The following CLEC16A variants were observed in gnomAD, a reference collection of about 807,000 sequenced individuals.
The protein encoded by CLEC16A is protein CLEC16A.
A neutral mutation model predicts 109.5 loss-of-function variants in CLEC16A; 51 were observed. The observed-to-expected ratio is 0.47, with a 90% confidence interval of 0.37 to 0.59. The LOEUF is 0.59. CLEC16A is among the 20% of genes least tolerant of loss of function. The pLI is 0.00. For missense variants in CLEC16A, 1,339 were observed against 1,394.0 expected (o/e 0.96, Z 0.63); for synonymous variants, 673 against 564.2 (o/e 1.19, Z -2.73).
intron 19 of CLEC16A, among the ~76,000 whole-genome samples, chr16:11,069,954 G>C (rs531325664): frequency 2.0e-5 from 3 of 152,304 alleles, no homozygotes; most frequent in Admixed American, 6.5e-5. Flanking sequence ...AGCATCTGTG[G>C]ATTCTGGTGT....
intron 19 of CLEC16A, among the ~76,000 whole-genome samples, chr16:11,117,663 C>G (rs1261285584): frequency 1.3e-5 from 2 of 152,026 alleles, no homozygotes; most frequent in Admixed American, 6.6e-5. Context: ...ACTTCTCCCA[C>G]ACACACACAC....
intron 19 of CLEC16A, among the ~76,000 whole-genome samples, chr16:11,101,976 CTTT>C (rs35871397): frequency 3.1e-5 from 4 of 129,534 alleles, no homozygotes; most frequent in Non-Finnish European, 1.7e-5. Context: ...ATAATTTTTG[CTTT>C]TTTTTTTTTT....
chr16:11,095,751 G>A (rs776489163), intron 19 of CLEC16A, among the ~76,000 whole-genome samples: 2 of 149,432 alleles, frequency 1.3e-5, no homozygotes, highest in African/African-American at 5.0e-5. Flanking sequence ...GGCAGAGGTT[G>A]CTATGAGCCG....
At chr16:11,051,670 T>TGGGCC (rs779669890) in intron 18 of CLEC16A, 29 bp downstream of exon 18, 88 of 1,608,982 alleles carry the variant, frequency 5.5e-5, no homozygotes, top group Non-Finnish European at 7.3e-5. Context: ...TGTCATCTCC[T>TGGGCC]GGGCCACTGT....
intron 13 of CLEC16A, chr16:11,027,517 T>G: frequency 6.3e-7 from 1 of 1,577,762 alleles, no homozygotes; most frequent in African/African-American, 1.3e-5. Context: ...AGTAAGACCA[T>G]CCCTCTGACA....
chr16:11,123,493 C>T (rs918088873), intron 20 of CLEC16A, among the ~76,000 whole-genome samples: 4 of 152,176 alleles, frequency 2.6e-5, no homozygotes, highest in African/African-American at 9.6e-5. Context: ...AAAACAGGCA[C>T]CAGCCACCAC....
In CLEC16A at chr16:11,033,932, G is replaced by A. The variant is rs76718697; in HGVS notation, c.1538-5822G>A. Among the ~76,000 whole-genome samples, 1,180 of 152,298 alleles carry A rather than the reference G, an allele frequency of 7.7e-3. 18 individuals carry two copies. The highest frequency in any genetic ancestry group is 9.6e-3 in the Non-Finnish European group (652 of 68,030). ...GTCCGCTGAGTCCTGGGCCAGAGGTGGAGGGATGGGGGTGAGTTTTACAGC... is the reference window on the plus strand; with the variant it reads ...GTCCGCTGAGTCCTGGGCCAGAGGTAGAGGGATGGGGGTGAGTTTTACAGC... On this transcript the variant is annotated intron_variant, in intron 13 of 23. Transcript: ENST00000409790.
Position 10,999,982 on chromosome 16 carries a change from G to T in CLEC16A, c.1072-3092G>T, listed in dbSNP as rs140217398. The stretch of plus-strand genomic sequence containing the variant: ...CTCCCGAGTAGTTGGGACTACAAGC[G>T]CCCGCCACCACACCTGGCTAATTTT... On this transcript the variant is annotated intron_variant, in intron 10 of 23. Coordinates refer to ENST00000409790, the MANE Select transcript of CLEC16A (RefSeq NM_015226.3). Among the ~76,000 whole-genome samples the T allele has an allele frequency of 9.0e-3, 1,372 of 152,150 alleles. 20 individuals are homozygous for T. Among genetic ancestry groups the T allele is most frequent in the African/African-American group, 0.03 (1,260 of 41,488 alleles).
At chr16:11,087,238 A>T (rs963295747) in intron 19 of CLEC16A, among the ~76,000 whole-genome samples, 4 of 147,618 alleles carry the variant, frequency 2.7e-5, no homozygotes, top group African/African-American at 1.0e-4. Context: ...TGCCCCCTAT[A>T]GTCTGCACAC....
intron 11 of CLEC16A, among the ~76,000 whole-genome samples, chr16:11,013,897 C>G (rs1567195976): frequency 6.6e-6 from 1 of 152,064 alleles, no homozygotes; most frequent in Non-Finnish European, 1.5e-5. Context: ...TGAGATCATG[C>G]CACTGCACTC....
intron 22 of CLEC16A, among the ~76,000 whole-genome samples, chr16:11,148,093 C>G (rs1224385466): frequency 6.6e-6 from 1 of 152,136 alleles, no homozygotes; most frequent in East Asian, 1.9e-4. Context: ...TGATTGTGGT[C>G]TGACCTCAGA....
chr16:11,022,835 C>A (rs1373248082), intron 12 of CLEC16A, among the ~76,000 whole-genome samples: 1 of 150,362 alleles, frequency 6.7e-6, no homozygotes, highest in Non-Finnish European at 1.5e-5. Context: ...GGAGGCAGAG[C>A]TTGCAGTGAG....
intron 7 of CLEC16A, among the ~76,000 whole-genome samples, chr16:10,975,301 C>G (rs1236494169): frequency 6.6e-6 from 1 of 152,166 alleles, no homozygotes; most frequent in East Asian, 1.9e-4. Flanking sequence ...TGCACTCCAG[C>G]CTGGGTGACA....
intron 13 of CLEC16A, among the ~76,000 whole-genome samples, chr16:11,036,544 C>CTTTTT (rs71404440): frequency 3.6e-4 from 47 of 131,930 alleles, no homozygotes; most frequent in African/African-American, 1.1e-3. Flanking sequence ...TCTAATTTTC[C>CTTTTT]TTTTTTTTTT....
chr16:11,015,676 C>T (rs1050074920), intron 11 of CLEC16A, among the ~76,000 whole-genome samples: 10 of 152,352 alleles, frequency 6.6e-5, no homozygotes, highest in African/African-American at 2.4e-4. Context: ...GCTGAATTGT[C>T]TTCACCCTCT....
At chr16:10,989,206 G>T (rs2043850147) in intron 10 of CLEC16A, among the ~76,000 whole-genome samples, 1 of 129,580 alleles carries the variant, frequency 7.7e-6, no homozygotes, top group African/African-American at 2.9e-5. Context: ...TGCAAATACT[G>T]TTGTCGTTGT....
intron 13 of CLEC16A, among the ~76,000 whole-genome samples, chr16:11,035,394 G>T (rs1476223964): frequency 6.6e-6 from 1 of 152,182 alleles, no homozygotes; most frequent in Non-Finnish European, 1.5e-5. Context: ...CAGCAAAAAT[G>T]TATGGACTGT....
chr16:10,977,579 T>A (rs926444850), intron 8 of CLEC16A, among the ~76,000 whole-genome samples, 180 bp downstream of exon 8: 2 of 152,134 alleles, frequency 1.3e-5, no homozygotes, highest in Non-Finnish European at 1.5e-5. Context: ...AGTGGTGCGA[T>A]CTTGGCTCAC....
intron 19 of CLEC16A, among the ~76,000 whole-genome samples, chr16:11,117,660 C>CCA (rs376779006): frequency 7.9e-5 from 12 of 151,834 alleles, no homozygotes; most frequent in African/African-American, 2.7e-4. Flanking sequence ...AATACTTCTC[C>CCA]CACACACACA....
Sources: gnomAD v4.1 joint callset for allele counts (sites outside exome capture counted in the v4.1 genomes callset) on GRCh38, gnomAD v4.1.1 for gene constraint, MANE v1.5 for transcripts, NCBI Gene and HGNC (gene_info 2026-07-23, HGNC 2026-07-21) for gene names.